TTC29: variants seen among roughly 807,000 people sequenced by gnomAD.
TTC29 encodes the protein tetratricopeptide repeat protein 29.
In TTC29, 49 loss-of-function variants were observed where a neutral mutation model predicts 58.1. That is an observed-to-expected ratio of 0.84 (90% CI 0.67 to 1.07). TTC29 has a LOEUF of 1.07. TTC29 is among the 50% of genes least tolerant of loss of function. TTC29 has a pLI of 0.00. For missense variants in TTC29, 582 were observed against 555.6 expected (o/e 1.05, Z -0.48); for synonymous variants, 209 against 196.8 (o/e 1.06, Z -0.52).
intron 6 of TTC29, among the ~76,000 whole-genome samples, chr4:146,880,948 C>G (rs1050018173): frequency 2.0e-5 from 3 of 147,760 alleles, no homozygotes; most frequent in Non-Finnish European, 3.0e-5. Context: ...GGGAGGGAAA[C>G]AAAAAAAGAA....
chr4:146,737,295 A>G (rs1015615853), intron 11 of TTC29, among the ~76,000 whole-genome samples: 1 of 152,158 alleles, frequency 6.6e-6, no homozygotes, highest in Non-Finnish European at 1.5e-5. Flanking sequence ...TATTCATTAG[A>G]AGAACTCCCT....
At chr4:146,720,218 G>A (rs183601330) in intron 11 of TTC29, among the ~76,000 whole-genome samples, 1 of 152,226 alleles carries the variant, frequency 6.6e-6, no homozygotes, top group Admixed American at 6.5e-5. Flanking sequence ...AAAGGATTTA[G>A]TAAGACTCTA....
At chr4:146,747,392 G>C (rs1745626992) in intron 11 of TTC29, among the ~76,000 whole-genome samples, 1 of 152,166 alleles carries the variant, frequency 6.6e-6, no homozygotes, top group African/African-American at 2.4e-5. Context: ...CTGGTAGCAT[G>C]CCATCCTCAA....
intron 11 of TTC29, among the ~76,000 whole-genome samples, chr4:146,782,201 T>C (rs931913766): frequency 6.6e-6 from 1 of 151,822 alleles, no homozygotes; most frequent in African/African-American, 2.4e-5. Flanking sequence ...CTCATTGTAG[T>C]ACATTTTTTC....
chr4:146,738,173 T>TTTACC (rs1255575764), intron 11 of TTC29, among the ~76,000 whole-genome samples: 6 of 152,142 alleles, frequency 3.9e-5, no homozygotes, highest in Non-Finnish European at 8.8e-5. Context: ...AATCTAATGT[T>TTTACC]CCTTTTAAAA....
Position 146,846,079 on chromosome 4 carries a change from T to C in TTC29, c.886-12182A>G, listed in dbSNP as rs116885712. 5.1e-3 allele frequency among the ~76,000 whole-genome samples: 773 copies of C among 152,076 alleles called. 16 individuals are homozygous for C. The East Asian group carries it at 0.057, about 11-fold the overall frequency. ...ACATTAACATGGCTATAACAAACCA[T>C]TGTATGTATTGACTTTTGCATTCTA... On this transcript the variant is annotated intron_variant, in intron 8 of 12. Transcript: ENST00000325106.
At chr4:146,728,422 C>T (rs1005309766) in intron 11 of TTC29, among the ~76,000 whole-genome samples, 4 of 151,760 alleles carry the variant, frequency 2.6e-5, no homozygotes, top group African/African-American at 9.7e-5. Context: ...ATATATAAGG[C>T]TTTTAAAATT....
chr4:146,789,495 G>A (rs1296552376), intron 11 of TTC29, among the ~76,000 whole-genome samples: 5 of 152,046 alleles, frequency 3.3e-5, no homozygotes, highest in East Asian at 1.9e-4. Flanking sequence ...ACTGCCTAAG[G>A]CTTATTGTGA....
intron 11 of TTC29, among the ~76,000 whole-genome samples, chr4:146,793,253 T>C (rs1374211387): frequency 2.0e-5 from 3 of 152,120 alleles, no homozygotes; most frequent in Admixed American, 6.5e-5. Context: ...AGAGAAATCT[T>C]TTGTGAAAGG....
At chr4:146,754,077 T>A (rs1041504780) in intron 11 of TTC29, among the ~76,000 whole-genome samples, 3 of 151,118 alleles carry the variant, frequency 2.0e-5, no homozygotes, top group Non-Finnish European at 4.4e-5. Context: ...TAAAATAAAA[T>A]AAAAATAAAA....
intron 11 of TTC29, among the ~76,000 whole-genome samples, chr4:146,792,193 T>G (rs1353462131): frequency 6.6e-6 from 1 of 152,196 alleles, no homozygotes; most frequent in Non-Finnish European, 1.5e-5. Flanking sequence ...AGGGCTTCCA[T>G]AGCTAGAGAG....
intron 4 of TTC29, among the ~76,000 whole-genome samples, chr4:146,936,716 ACAC>A (rs1435187316): frequency 5.9e-5 from 9 of 152,214 alleles, no homozygotes; most frequent in African/African-American, 2.2e-4. Flanking sequence ...AAAATGGAAA[ACAC>A]CAAGAGACTT....
intron 11 of TTC29, among the ~76,000 whole-genome samples, chr4:146,753,839 G>T (rs1048858888): frequency 5.3e-5 from 8 of 151,890 alleles, no homozygotes; most frequent in African/African-American, 1.7e-4. Context: ...TCACTCATAG[G>T]TGGGAATTGA....
chr4:146,851,906 A>G (rs929883823), intron 8 of TTC29, among the ~76,000 whole-genome samples: 2 of 152,206 alleles, frequency 1.3e-5, no homozygotes, highest in African/African-American at 4.8e-5. Flanking sequence ...GAAGCTACAA[A>G]GCAGTGGGTC....
At chr4:146,734,048 C>G (rs1378916657) in intron 11 of TTC29, among the ~76,000 whole-genome samples, 1 of 152,008 alleles carries the variant, frequency 6.6e-6, no homozygotes, top group Non-Finnish European at 1.5e-5. Context: ...AGACAACTGG[C>G]CAAAGGAGAG....
At chr4:146,883,727 C>T (rs1579905864) in intron 6 of TTC29, among the ~76,000 whole-genome samples, 1 of 151,976 alleles carries the variant, frequency 6.6e-6, no homozygotes, top group South Asian at 2.1e-4. Context: ...AAAAGAAAAA[C>T]CTGCTGCAGA....
chr4:146,888,961 G>C (rs1264132945), intron 6 of TTC29, among the ~76,000 whole-genome samples: 1 of 152,046 alleles, frequency 6.6e-6, no homozygotes, highest in African/African-American at 2.4e-5. Context: ...AGTGTCAAAA[G>C]AGAGTCTAGG....
chr4:146,941,952 A>G (rs1377310543), intron 2 of TTC29, among the ~76,000 whole-genome samples: 1 of 152,194 alleles, frequency 6.6e-6, no homozygotes, highest in Non-Finnish European at 1.5e-5. Context: ...GTGGATAGCT[A>G]AGACACAATA....
intron 11 of TTC29, 21 bp from the exon 12 acceptor site, chr4:146,707,572 G>T (rs530229564): frequency 6.6e-7 from 1 of 1,522,778 alleles, no homozygotes; most frequent in Non-Finnish European, 9.0e-7. Flanking sequence ...AATACACAAA[G>T]TTAATAGATT....
Sources: gnomAD v4.1 joint callset for allele counts (sites outside exome capture counted in the v4.1 genomes callset) on GRCh38, gnomAD v4.1.1 for gene constraint, MANE v1.5 for transcripts, NCBI Gene and HGNC (gene_info 2026-07-23, HGNC 2026-07-21) for gene names.